Variants in KANK1 observed in about 807,000 individuals in gnomAD.
KANK1 encodes the protein KN motif and ankyrin repeat domain-containing protein 1.
A neutral mutation model predicts 106.2 loss-of-function variants in KANK1; 109 were observed. That is an observed-to-expected ratio of 1.03 (90% CI 0.88 to 1.20). The LOEUF (loss-of-function observed/expected upper bound fraction) is 1.20. Ranked by LOEUF, KANK1 falls within the 50% of genes most tolerant of loss-of-function variation. The probability of loss-of-function intolerance (pLI) is 0.00; values close to 1 mark genes in which losing one functional copy is unlikely to be tolerated. For missense variants in KANK1, 2,399 were observed against 1,710.7 expected (o/e 1.40, Z -7.10); for synonymous variants, 873 against 652.2 (o/e 1.34, Z -5.16).
At chr9:519,123 C>T (rs1169228814) in intron 1 of KANK1, among the ~76,000 whole-genome samples, 1 of 151,674 alleles carries the variant, frequency 6.6e-6, no homozygotes, top group East Asian at 1.9e-4. Flanking sequence ...CTCCCAACCT[C>T]AGGTGATCTG....
intron 1 of KANK1, among the ~76,000 whole-genome samples, chr9:641,362 C>T (rs1330000435): frequency 6.6e-6 from 1 of 152,134 alleles, no homozygotes; most frequent in African/African-American, 2.4e-5. Flanking sequence ...TTATCAGATA[C>T]CTGCTTTGGT....
intron 2 of KANK1, among the ~76,000 whole-genome samples, chr9:683,559 T>G (rs540869828): frequency 6.6e-6 from 1 of 152,216 alleles, no homozygotes; most frequent in Non-Finnish European, 1.5e-5. Context: ...AGGTTATTTA[T>G]TATGTTGACA....
intron 1 of KANK1, among the ~76,000 whole-genome samples, chr9:634,160 A>T (rs6477056): frequency 6.6e-6 from 1 of 152,196 alleles, no homozygotes; most frequent in South Asian, 2.1e-4. Context: ...CAATGTGGAA[A>T]ATGGAGTTAT....
At chr9:724,623 A>G (rs1830202775) in intron 3 of KANK1, among the ~76,000 whole-genome samples, 1 of 152,064 alleles carries the variant, frequency 6.6e-6, no homozygotes, top group Non-Finnish European at 1.5e-5. Context: ...CCAACATAGT[A>G]AAATCCCGTC....
In KANK1 at chr9:712,373, C is replaced by T. The variant is rs149011172; in HGVS notation, c.1607C>T (p.Thr536Met). The T allele has an allele frequency of 2.7e-5, 43 of 1,614,152 alleles. No homozygotes were observed. The highest frequency in any genetic ancestry group is 3.3e-5 in the Non-Finnish European group (39 of 1,180,042). Residue 536 changes from threonine (T) to methionine (M), a missense_variant, in exon 3 of 12, where the codon ACG (threonine) becomes ATG (methionine). Physicochemically the swap from Thr to Met is moderately conservative, Grantham distance 81. Coordinates refer to ENST00000382297, the MANE Select transcript of KANK1 (RefSeq NM_015158.5). ...GGCAGTCACATGGACCTGGTGGACA[C>T]GTGTGTTGGGACCTCCGTGGAAACA... ...MVGSHMDLVD[T>M]CVGTSVETNS...
At chr9:543,224 A>C (rs1396490345) in intron 1 of KANK1, among the ~76,000 whole-genome samples, 1 of 152,130 alleles carries the variant, frequency 6.6e-6, no homozygotes, top group Non-Finnish European at 1.5e-5. Context: ...TTGTCACCCA[A>C]CGTATTTATT....
chr9:726,205 C>T (rs1002495619), intron 3 of KANK1, among the ~76,000 whole-genome samples: 1 of 151,452 alleles, frequency 6.6e-6, no homozygotes. Context: ...TAGGGCAGGC[C>T]TTTCCTACAA....
intron 1 of KANK1, among the ~76,000 whole-genome samples, chr9:564,810 C>A (rs980153510): frequency 6.6e-6 from 1 of 152,220 alleles, no homozygotes; most frequent in Non-Finnish European, 1.5e-5. Context: ...TGACTCAGTT[C>A]ACCTTATCAT....
At chr9:511,136 G>A (rs1320677677) in intron 1 of KANK1, among the ~76,000 whole-genome samples, 1 of 152,190 alleles carries the variant, frequency 6.6e-6, no homozygotes, top group South Asian at 2.1e-4. Flanking sequence ...AGAAATTAAT[G>A]CTGAGTAGAG....
At position 742,489 on chromosome 9, in the gene KANK1, G is replaced by C. The variant is rs142877084; in HGVS notation, c.3897+84G>C. The C allele has an allele frequency of 1.1e-3, 1,110 of 1,018,264 alleles. 12 individuals are homozygous for C. The African/African-American group carries it at 0.016, about 15-fold the overall frequency. 63.1% of individuals were successfully genotyped at this position (1,018,264 alleles called of 1,614,324 possible). A position where few individuals can be genotyped will look rare whatever the true frequency, so the allele number is the denominator to read the frequency against. ...CTGGGAGTGCCTTTTGGCCAGGAGC[G>C]ACCAAATCCTCCTCTATTCTCCTCT... On this transcript the variant is annotated intron_variant, in intron 10 of 11. Transcript: ENST00000382297.
At chr9:515,111 A>C (rs2059219657) in intron 1 of KANK1, among the ~76,000 whole-genome samples, 1 of 151,734 alleles carries the variant, frequency 6.6e-6, no homozygotes, top group Non-Finnish European at 1.5e-5. Flanking sequence ...TGGGAGGCAG[A>C]GGCGGGTGGA....
intron 1 of KANK1, among the ~76,000 whole-genome samples, chr9:635,027 C>T (rs1334165895): frequency 1.3e-5 from 2 of 152,160 alleles, no homozygotes; most frequent in Non-Finnish European, 2.9e-5. Context: ...GAACATCTTA[C>T]ATTTCACTGA....
At chr9:503,243 G>GGGT (rs1314477197), upstream of KANK1, among the ~76,000 whole-genome samples, 2 of 152,064 alleles carry the variant, frequency 1.3e-5, no homozygotes, top group East Asian at 1.9e-4. Flanking sequence ...ATTTGGGGCG[G>GGGT]GGTGGTGGTG....
At chr9:725,803 A>G (rs1215988638) in intron 3 of KANK1, among the ~76,000 whole-genome samples, 1 of 152,174 alleles carries the variant, frequency 6.6e-6, no homozygotes, top group Non-Finnish European at 1.5e-5. Context: ...TTTTCTTCAT[A>G]TTGCCTCAAA....
intron 1 of KANK1, among the ~76,000 whole-genome samples, chr9:527,493 G>T (rs1001888780): frequency 1.3e-5 from 2 of 151,484 alleles, no homozygotes; most frequent in Admixed American, 6.6e-5. Flanking sequence ...TAGAGATGGG[G>T]TTTCACTATG....
intron 1 of KANK1, among the ~76,000 whole-genome samples, chr9:531,745 C>A (rs752568296): frequency 5.3e-5 from 8 of 152,178 alleles, no homozygotes; most frequent in Non-Finnish European, 8.8e-5. Context: ...AACCAGAGAC[C>A]ATTTTATTCT....
In KANK1 at chr9:712,668, T is replaced by C. The variant is rs1360723805; in HGVS notation, c.1902T>C (p.Ser634=). ...GGTCTATCGGTTGTGGAGATTGTTC[T>C]GTTGACGTGACCGTCTGCTCTCCAA... is the stretch of plus-strand genomic sequence containing the variant. The part of the protein sequence containing the change: ...EVRSIGCGDC[S]VDVTVCSPKE... The change falls in exon 3 of 12, where the codon TCT becomes TCC. Residue 634 remains serine, a synonymous_variant. Transcript: ENST00000382297. 1.9e-6 allele frequency: 3 copies of C among 1,614,180 alleles called. No individual in the cohort carries two copies. The highest frequency in any genetic ancestry group is 3.3e-5 in the Admixed American group (2 of 60,026).
chr9:593,072 T>C (rs1353344089), intron 1 of KANK1, among the ~76,000 whole-genome samples: 1 of 151,842 alleles, frequency 6.6e-6, no homozygotes, highest in Admixed American at 6.5e-5. Flanking sequence ...GTAGACAATC[T>C]TGTTTTAGAT....
intron 1 of KANK1, among the ~76,000 whole-genome samples, chr9:521,800 T>C (rs1380467610): frequency 6.6e-6 from 1 of 151,496 alleles, no homozygotes; most frequent in African/African-American, 2.4e-5. Context: ...ACTCCTGACC[T>C]CAGGAGATCC....
Sources: gnomAD v4.1 joint callset for allele counts (sites outside exome capture counted in the v4.1 genomes callset) on GRCh38, gnomAD v4.1.1 for gene constraint, MANE v1.5 for transcripts, NCBI Gene and HGNC (gene_info 2026-07-23, HGNC 2026-07-21) for gene names.